SLK: variants seen among roughly 807,000 people sequenced by gnomAD.
SLK encodes STE20-like serine/threonine-protein kinase.
In SLK, 67 loss-of-function variants were observed where a neutral mutation model predicts 147.7. That is an observed-to-expected ratio of 0.45 (90% CI 0.37 to 0.56). The LOEUF (loss-of-function observed/expected upper bound fraction) is 0.56, where lower values mean the gene tolerates loss of function less well. Among genes scored for constraint, SLK ranks in the 20% least tolerant of loss-of-function variants. The pLI is 0.00. For synonymous variants in SLK, 441 were observed against 475.0 expected (o/e 0.93, Z 0.93); for missense variants, 1,136 against 1,438.8 (o/e 0.79, Z 3.41).
chr10:103,981,429 A>G (rs1203788914), intron 1 of SLK, among the ~76,000 whole-genome samples: 1 of 152,148 alleles, frequency 6.6e-6, no homozygotes, highest in South Asian at 2.1e-4. Flanking sequence ...GTCCAGTATC[A>G]TAAAGCTTTT....
chr10:104,006,218 A>G (rs1290025484), intron 11 of SLK, among the ~76,000 whole-genome samples, 183 bp downstream of exon 11: 1 of 152,068 alleles, frequency 6.6e-6, no homozygotes, highest in Admixed American at 6.6e-5. Flanking sequence ...TTATTGATTT[A>G]TTCTTTTTTC....
intron 1 of SLK, among the ~76,000 whole-genome samples, chr10:103,980,092 A>C (rs889095228): frequency 8.5e-5 from 13 of 152,214 alleles, no homozygotes; most frequent in Non-Finnish European, 1.9e-4. Flanking sequence ...TCCCAGCACC[A>C]TGTACTTTAA....
At chr10:103,981,667 G>GT (rs143568349) in intron 1 of SLK, among the ~76,000 whole-genome samples, 34,410 of 147,492 alleles carry the variant, frequency 0.23, 4,491 homozygotes, top group African/African-American at 0.36. Context: ...ATATATGCCA[G>GT]TTTTTTTTTT....
intron 4 of SLK, among the ~76,000 whole-genome samples, chr10:103,996,072 G>A (rs1312240229): frequency 1.3e-5 from 2 of 152,056 alleles, no homozygotes; most frequent in Admixed American, 1.3e-4. Flanking sequence ...ATGTGTCTTT[G>A]GTGATGTTGG....
intron 1 of SLK, among the ~76,000 whole-genome samples, chr10:103,971,358 T>G (rs1212918179): frequency 6.6e-6 from 1 of 152,136 alleles, no homozygotes; most frequent in East Asian, 1.9e-4. Flanking sequence ...CACTGCAACC[T>G]CCGCCTCCCA....
chr10:104,002,822 G>T lies in SLK; in HGVS notation c.1644G>T (p.Val548=). 6.2e-7 allele frequency: 1 copy of T among 1,614,088 alleles called. No individual in the cohort carries two copies. Among genetic ancestry groups the T allele is most frequent in the African/African-American group, 1.3e-5 (1 of 75,040 alleles). The change falls in exon 9 of 19, where the codon GTG becomes GTT. Residue 548 remains valine, a synonymous_variant. Coordinates refer to ENST00000369755, the MANE Select transcript of SLK (RefSeq NM_014720.4). ...QKDVISNTSD[V]IGTCEAADVA... is the part of the protein sequence containing the mutation. ...ATGTGATCAGCAATACAAGTGATGT[G>T]ATAGGAACATGTGAGGCAGCAGATG... is the stretch of plus-strand genomic sequence containing the variant.
At chr10:103,993,164 AT>A in intron 4 of SLK, 31 bp downstream of exon 4, 1 of 1,505,128 alleles carries the variant, frequency 6.6e-7, no homozygotes, top group Non-Finnish European at 9.1e-7. Flanking sequence ...AAACATTAGA[AT>A]TTTTACTCTG....
At chr10:104,009,784 AT>A (rs66844079) in intron 12 of SLK, among the ~76,000 whole-genome samples, 32,379 of 151,094 alleles carry the variant, frequency 0.21, 3,837 homozygotes, top group African/African-American at 0.32. Flanking sequence ...TACATTATGT[AT>A]TTTTTTTTCC....
chr10:103,992,962 T>G, intron 3 of SLK, 22 bp from the exon 4 acceptor site: 1 of 1,589,278 alleles, frequency 6.3e-7, no homozygotes, highest in African/African-American at 1.4e-5. Context: ...AGCAGATTTT[T>G]TTTTTTACTT....
chr10:104,008,074 C>T, intron 11 of SLK, 103 bp from the exon 12 acceptor site: 2 of 856,620 alleles, frequency 2.3e-6, no homozygotes, highest in South Asian at 2.0e-5. Flanking sequence ...TAGTACATTA[C>T]TAAATTTAAA....
At chr10:104,014,262 A>T (rs1372733360) in intron 13 of SLK, among the ~76,000 whole-genome samples, 1 of 152,228 alleles carries the variant, frequency 6.6e-6, no homozygotes, top group East Asian at 1.9e-4. Context: ...CATTCCGTTT[A>T]ACTCTATTTT....
rs1468924859 is a variant in SLK at position 104,018,785 on chromosome 10, T to G, written c.3009T>G (p.Ala1003=). ...CLNNKQQLMR[A]REAAIWELEE... The stretch of plus-strand genomic sequence containing the variant: ...ATTTTGAAAACTGCTGTCTTCTAGC[T>G]CGAGAAGCTGCAATTTGGGAGCTCG... The change falls in exon 15 of 19, where the codon GCT becomes GCG. Residue 1003 remains alanine, a splice_region_variant and synonymous_variant. Coordinates refer to ENST00000369755, the MANE Select transcript of SLK (RefSeq NM_014720.4). 13 of 1,608,220 alleles carry G rather than the reference T, an allele frequency of 8.1e-6. No individual in the cohort carries two copies. Among genetic ancestry groups the G allele is most frequent in the Non-Finnish European group, 1.0e-5 (12 of 1,178,598 alleles).
intron 13 of SLK, among the ~76,000 whole-genome samples, chr10:104,013,636 T>G (rs1399850653): frequency 1.3e-5 from 2 of 152,234 alleles, no homozygotes; most frequent in Non-Finnish European, 2.9e-5. Flanking sequence ...CCACAGGGTG[T>G]TGCTCAGATC....
At position 104,007,768 on chromosome 10, in the gene SLK, CAAAT is replaced by C. The variant is rs58270517; in HGVS notation, c.2605-381_2605-378del. 1.9e-3 allele frequency among the ~76,000 whole-genome samples: 280 copies of C among 147,400 alleles called. 3 individuals are homozygous for C. The East Asian group carries it at 0.03, about 16-fold the overall frequency. On this transcript the variant is annotated intron_variant, in intron 11 of 18. Coordinates refer to ENST00000369755, the MANE Select transcript of SLK (RefSeq NM_014720.4). ...CAACATAGTGATAGCCCTATCTCTC[CAAAT>C]AAATAAATAAATAAATAAATAAATA...
chr10:103,974,655 C>CTTTTTTTTTTTTTTTTT lies in SLK; in HGVS notation c.150+6773_150+6774insTTTTTTTTTTTTTTTTT, dbSNP rs568337016. On this transcript the variant is annotated intron_variant, in intron 1 of 18. Coordinates refer to ENST00000369755, the MANE Select transcript of SLK (RefSeq NM_014720.4). ...AAAAAAAAAAAGTTCATCTTTTGGC[C>CTTTTTTTTTTTTTTTTT]TTTTTTTTTTTTTGAGATGGAGTCT... The CTTTTTTTTTTTTTTTTT allele has an allele frequency of 7.3e-3, 220 of 30,176 alleles. 84 individuals carry two copies. The highest frequency in any genetic ancestry group is 0.012 in the Non-Finnish European group (152 of 12,964). The allele number at this position is 30,176 out of a possible 1,614,324, so 1.9% of individuals were successfully genotyped here.
intron 1 of SLK, among the ~76,000 whole-genome samples, chr10:103,983,473 C>T (rs1302497261): frequency 6.6e-6 from 1 of 152,190 alleles, no homozygotes; most frequent in African/African-American, 2.4e-5. Context: ...CAAATACGCC[C>T]TTCTATGCTT....
chr10:103,977,012 A>G (rs780088112), intron 1 of SLK, among the ~76,000 whole-genome samples: 2 of 152,152 alleles, frequency 1.3e-5, no homozygotes, highest in Non-Finnish European at 2.9e-5. Flanking sequence ...AACCTAAAAT[A>G]CTTCCAGACA....
Position 104,026,599 on chromosome 10 carries a change from T to C in SLK, c.*879T>C, listed in dbSNP as rs1844602466. On this transcript the variant is annotated 3_prime_UTR_variant, in exon 19 of 19. Transcript: ENST00000369755. ...TAGGTTTAGCTATCTGTGTTTATTT[T>C]CTAAAATAATACCTGAGCTGGTTAA... The C allele has an allele frequency of 6.6e-6, 1 of 152,228 alleles. No individual in the cohort carries two copies. The highest frequency in any genetic ancestry group is 1.5e-5 in the Non-Finnish European group (1 of 68,034). 9.4% of individuals were successfully genotyped at this position (152,228 alleles called of 1,614,324 possible). A position where few individuals can be genotyped will look rare whatever the true frequency, so the allele number is the denominator to read the frequency against.
chr10:103,989,448 GAC>G (rs1392315049), intron 1 of SLK, among the ~76,000 whole-genome samples: 1 of 144,280 alleles, frequency 6.9e-6, no homozygotes, highest in Non-Finnish European at 1.5e-5. Context: ...CATTTTGGAA[GAC>G]AGTGTGGCAG....
Sources: gnomAD v4.1 joint callset for allele counts (sites outside exome capture counted in the v4.1 genomes callset) on GRCh38, gnomAD v4.1.1 for gene constraint, MANE v1.5 for transcripts, NCBI Gene and HGNC (gene_info 2026-07-23, HGNC 2026-07-21) for gene names.